YPEL1: variants seen among roughly 807,000 people sequenced by gnomAD.
YPEL1 encodes the protein protein yippee-like 1.
Under a neutral mutation model 17.3 loss-of-function variants are expected in YPEL1, and 7 were observed. The observed-to-expected ratio is 0.40, with a 90% CI of 0.23 to 0.76. The LOEUF is 0.76. Ranked by LOEUF, YPEL1 falls within the 30% of genes least tolerant of loss-of-function variation. The pLI is 0.35. For synonymous variants in YPEL1, 59 were observed against 59.6 expected (o/e 0.99, Z 0.05); for missense variants, 91 against 155.5 (o/e 0.59, Z 2.21).
intron 1 of YPEL1, among the ~76,000 whole-genome samples, chr22:21,733,346 G>A (rs200052029): frequency 6.6e-6 from 1 of 152,144 alleles, no homozygotes; most frequent in East Asian, 1.9e-4. Context: ...AACCCTGGAG[G>A]TGGAGGCTGC....
At chr22:21,719,337 A>G (rs910324477) in intron 1 of YPEL1, among the ~76,000 whole-genome samples, 1 of 152,208 alleles carries the variant, frequency 6.6e-6, no homozygotes, top group South Asian at 2.1e-4. Flanking sequence ...CTCATGTTCA[A>G]TCTCTGTGAT....
chr22:21,701,451 G>A (rs761036058), intron 4 of YPEL1, among the ~76,000 whole-genome samples: 24 of 152,200 alleles, frequency 1.6e-4, no homozygotes, highest in East Asian at 1.9e-4. Context: ...CTTCGGCAGC[G>A]CATATACTAA....
chr22:21,706,530 G>A (rs1362381664), intron 2 of YPEL1, among the ~76,000 whole-genome samples: 1 of 152,176 alleles, frequency 6.6e-6, no homozygotes, highest in African/African-American at 2.4e-5. Context: ...GCCTCATGCA[G>A]GGGATGGGAA....
At chr22:21,718,107 G>C (rs184186099) in intron 1 of YPEL1, among the ~76,000 whole-genome samples, 1 of 143,738 alleles carries the variant, frequency 7.0e-6, no homozygotes, top group African/African-American at 2.5e-5. Context: ...CTTAGCCTAG[G>C]TAATGAGTGA....
chr22:21,733,223 G>A (rs2068405215), intron 1 of YPEL1, among the ~76,000 whole-genome samples: 1 of 152,128 alleles, frequency 6.6e-6, no homozygotes, highest in Middle Eastern at 3.4e-3. Flanking sequence ...TTTGAGACCA[G>A]CCTGGGCAAC....
chr22:21,721,083 T>C (rs999387234), intron 1 of YPEL1, among the ~76,000 whole-genome samples: 2 of 151,964 alleles, frequency 1.3e-5, no homozygotes, highest in African/African-American at 4.8e-5. Context: ...AGTGCTGGGA[T>C]TACAGGTGTG....
chr22:21,714,513 C>T (rs1224452633), intron 1 of YPEL1, among the ~76,000 whole-genome samples: 4 of 152,234 alleles, frequency 2.6e-5, no homozygotes, highest in African/African-American at 9.6e-5. Context: ...CCCCCTTCAC[C>T]TGGTGTCCCG....
At chr22:21,728,600 C>T (rs1457252366) in intron 1 of YPEL1, among the ~76,000 whole-genome samples, 1 of 152,194 alleles carries the variant, frequency 6.6e-6, no homozygotes, top group Non-Finnish European at 1.5e-5. Flanking sequence ...AAGCTGGATT[C>T]AAAGCCAGAG....
chr22:21,725,827 T>C (rs2068330411), intron 1 of YPEL1, among the ~76,000 whole-genome samples: 1 of 59,582 alleles, frequency 1.7e-5, no homozygotes, highest in African/African-American at 8.2e-5. Context: ...ACCCTGTCTC[T>C]ACCAAAGGAA....
chr22:21,720,187 A>G (rs1417259756), intron 1 of YPEL1, among the ~76,000 whole-genome samples: 2 of 151,194 alleles, frequency 1.3e-5, no homozygotes, highest in Non-Finnish European at 3.0e-5. Flanking sequence ...CAAAAAAAAA[A>G]AAAAAAAAAA....
chr22:21,728,289 C>T (rs2068354910), intron 1 of YPEL1, among the ~76,000 whole-genome samples: 1 of 152,144 alleles, frequency 6.6e-6, no homozygotes, highest in African/African-American at 2.4e-5. Flanking sequence ...AGCTTTGCCT[C>T]TCCCACCCCT....
At chr22:21,725,220 A>AT (rs991732672) in intron 1 of YPEL1, among the ~76,000 whole-genome samples, 12,706 of 126,264 alleles carry the variant, frequency 0.1, 654 homozygotes, top group Middle Eastern at 0.16. Context: ...TAAAATGGTA[A>AT]TTTTTTTTTT....
intron 1 of YPEL1, among the ~76,000 whole-genome samples, chr22:21,726,288 T>C (rs990179867): frequency 6.6e-6 from 1 of 152,210 alleles, no homozygotes; most frequent in African/African-American, 2.4e-5. Context: ...ATCTCATCTA[T>C]TCAGGCGCAA....
intron 1 of YPEL1, 117 bp downstream of exon 1, chr22:21,735,498 C>T: frequency 6.6e-6 from 1 of 152,244 alleles, no homozygotes; most frequent in Non-Finnish European, 1.5e-5. Context: ...CCTGCTCGCG[C>T]CCCCGCCCGC....
intron 1 of YPEL1, among the ~76,000 whole-genome samples, chr22:21,720,543 T>G (rs1432392154): frequency 6.6e-6 from 1 of 151,074 alleles, no homozygotes; most frequent in East Asian, 2.0e-4. Context: ...CAGGCTGGAG[T>G]GCAATGGCAT....
At chr22:21,728,513 C>A (rs746833816) in intron 1 of YPEL1, among the ~76,000 whole-genome samples, 2 of 152,104 alleles carry the variant, frequency 1.3e-5, no homozygotes, top group Non-Finnish European at 2.9e-5. Flanking sequence ...TCCTTATTAG[C>A]CCCACGATGC....
chr22:21,716,913 G>A (rs986954178), intron 1 of YPEL1, among the ~76,000 whole-genome samples: 3 of 152,226 alleles, frequency 2.0e-5, no homozygotes, highest in Non-Finnish European at 4.4e-5. Flanking sequence ...GAGAGTATAT[G>A]TAACCAACAG....
intron 2 of YPEL1, among the ~76,000 whole-genome samples, chr22:21,709,073 CT>C (rs1276827044): frequency 6.6e-6 from 1 of 152,188 alleles, no homozygotes; most frequent in East Asian, 1.9e-4. Context: ...ACCTGGCATG[CT>C]TCCGAAACAA....
intron 1 of YPEL1, among the ~76,000 whole-genome samples, chr22:21,733,471 C>T (rs5999236): frequency 0.028 from 4,247 of 151,740 alleles, 204 homozygotes; most frequent in African/African-American, 0.098. Flanking sequence ...TGGTGGCTCA[C>T]ACCTATAATC....
Sources: gnomAD v4.1 joint callset for allele counts (sites outside exome capture counted in the v4.1 genomes callset) on GRCh38, gnomAD v4.1.1 for gene constraint, MANE v1.5 for transcripts, NCBI Gene and HGNC (gene_info 2026-07-23, HGNC 2026-07-21) for gene names.